STARD13: variants seen among roughly 807,000 people sequenced by gnomAD.
STARD13 encodes StAR related lipid transfer domain containing 13.
A neutral mutation model predicts 106.4 loss-of-function variants in STARD13; 62 were observed. That is an observed-to-expected ratio of 0.58 (90% CI 0.48 to 0.72). STARD13 has a LOEUF of 0.72. Ranked by LOEUF, STARD13 falls within the 30% of genes least tolerant of loss-of-function variation. The pLI, the probability that STARD13 is intolerant of heterozygous loss-of-function variation, is 0.00. For missense variants in STARD13, 1,387 were observed against 1,424.0 expected (o/e 0.97, Z 0.42); for synonymous variants, 565 against 553.0 (o/e 1.02, Z -0.31).
chr13:33,580,217 T>C, the STARD13 span, among the ~76,000 whole-genome samples: 1 of 152,116 alleles, frequency 6.6e-6, no homozygotes, highest in African/African-American at 2.4e-5. Flanking sequence ...AATGGAATAT[T>C]ATTCAGTGAT....
the STARD13 span, among the ~76,000 whole-genome samples, chr13:33,396,921 TGAG>T: frequency 6.6e-6 from 1 of 152,164 alleles, no homozygotes; most frequent in Non-Finnish European, 1.5e-5. Context: ...TAAGGGCCTG[TGAG>T]GAGGAACTCC....
At chr13:33,561,167 T>C in the STARD13 span, among the ~76,000 whole-genome samples, 1 of 151,504 alleles carries the variant, frequency 6.6e-6, no homozygotes, top group African/African-American at 2.4e-5. Context: ...TTTTTCTTTT[T>C]CATTCTGGAT....
chr13:33,674,497 A>T, the STARD13 span, among the ~76,000 whole-genome samples: 1 of 152,226 alleles, frequency 6.6e-6, no homozygotes, highest in South Asian at 2.1e-4. Flanking sequence ...AGACCAATGA[A>T]TAGGAATAGC....
chr13:33,349,881 G>C (rs539842777), intron 1 of STARD13, among the ~76,000 whole-genome samples: 1 of 152,248 alleles, frequency 6.6e-6, no homozygotes, highest in Admixed American at 6.5e-5. Context: ...GTCCCACGTG[G>C]AGAAGGCGAA....
the STARD13 span, among the ~76,000 whole-genome samples, chr13:33,601,626 C>T: frequency 0.011 from 1,717 of 152,270 alleles, 36 homozygotes; most frequent in African/African-American, 0.039. Context: ...TGAATTTCTG[C>T]GAAGTGACTT....
At position 33,129,032 on chromosome 13, in the gene STARD13, T is replaced by C; in HGVS notation, c.1645A>G (p.Ser549Gly). The C allele has an allele frequency of 6.2e-7, 1 of 1,614,104 alleles. No individual in the cohort carries two copies. The highest frequency in any genetic ancestry group is 8.5e-7 in the Non-Finnish European group (1 of 1,180,020). ...NSVSEGRTTP[S>G]DVERDVTSLN... The stretch of plus-strand genomic sequence containing the variant: ...GATGTTACATCTCTTTCCACATCAC[T>C]GGGTGTCGTCCGACCTTCTGAGACA... The change falls in exon 5 of 14, where the codon AGT becomes GGT. Residue 549 changes from serine to glycine, a missense_variant. By Grantham distance (56) the Ser-to-Gly change is moderately conservative. Coordinates refer to ENST00000336934, the MANE Select transcript of STARD13 (RefSeq NM_178006.4).
chr13:33,583,856 G>GTT, the STARD13 span, among the ~76,000 whole-genome samples: 2,770 of 150,034 alleles, frequency 0.018, 81 homozygotes, highest in African/African-American at 0.06. Flanking sequence ...GGCCTATAAT[G>GTT]TTTTTTTTTT....
intron 1 of STARD13, among the ~76,000 whole-genome samples, chr13:33,256,904 A>G (rs899278450): frequency 6.6e-6 from 1 of 152,266 alleles, no homozygotes; most frequent in Non-Finnish European, 1.5e-5. Flanking sequence ...CAGTGGAAAT[A>G]AAGAATAATT....
At chr13:33,221,562 C>T (rs186629700) in intron 1 of STARD13, among the ~76,000 whole-genome samples, 1 of 152,266 alleles carries the variant, frequency 6.6e-6, no homozygotes, top group Non-Finnish European at 1.5e-5. Context: ...GATCCCTCCT[C>T]CTGTTCCTCT....
rs552447327 is a variant in STARD13, at chr13:33,212,883, T to C, written c.170-45261A>G. Among the ~76,000 whole-genome samples, 3 of 152,354 alleles carry C rather than the reference T, an allele frequency of 2.0e-5. No homozygotes were observed. The East Asian group carries it at 5.8e-4, about 29-fold the overall frequency. On this transcript the variant is annotated intron_variant, in intron 1 of 13. Coordinates refer to ENST00000336934, the MANE Select transcript of STARD13 (RefSeq NM_178006.4). ...CCTTTCCTTATAAAATGACACATTT[T>C]CACCTTTTTGTTAGCAAGTATTGCT...
the STARD13 span, among the ~76,000 whole-genome samples, chr13:33,564,476 A>G: frequency 3.4e-5 from 5 of 146,342 alleles, no homozygotes; most frequent in South Asian, 1.1e-3. Flanking sequence ...TGAAAGGACT[A>G]TGGAGGTTTA....
At chr13:33,594,594 G>A in the STARD13 span, among the ~76,000 whole-genome samples, 1 of 152,098 alleles carries the variant, frequency 6.6e-6, no homozygotes, top group Non-Finnish European at 1.5e-5. Flanking sequence ...TAACGTTGTT[G>A]TGCAATCATC....
At chr13:33,328,602 A>T (rs1427016174) in intron 1 of STARD13, among the ~76,000 whole-genome samples, 1 of 152,226 alleles carries the variant, frequency 6.6e-6, no homozygotes, top group Non-Finnish European at 1.5e-5. Flanking sequence ...GGATGGGGTC[A>T]TGGGATACAT....
At position 33,129,955 on chromosome 13, in the gene STARD13, T is replaced by C. The variant is rs920835327; in HGVS notation, c.722A>G (p.Asn241Ser). ...CTCATTCTTGGGGTGGAAGGGGTGG[T>C]TGAGGACATCTCTGGGGGGCTGTGG... ...SLPQPPRDVL[N>S]HPFHPKNEKP... The change falls in exon 5 of 14, where the codon AAC becomes AGC. Residue 241 changes from asparagine to serine, a missense_variant. Asn to Ser is a conservative substitution (Grantham distance 46). Transcript: ENST00000336934. The C allele has an allele frequency of 3.7e-6, 6 of 1,613,332 alleles. No homozygotes were observed. In the East Asian group the frequency reaches 6.7e-5, roughly 18 times the overall value.
the STARD13 span, among the ~76,000 whole-genome samples, chr13:33,670,044 G>A: frequency 6.6e-6 from 1 of 152,114 alleles, no homozygotes; most frequent in African/African-American, 2.4e-5. Flanking sequence ...TTTTGGAGTG[G>A]GAAGTGTTGG....
At chr13:33,371,464 A>G in the STARD13 span, among the ~76,000 whole-genome samples, 1 of 152,238 alleles carries the variant, frequency 6.6e-6, no homozygotes, top group Non-Finnish European at 1.5e-5. Context: ...TTCAACATAT[A>G]ATAAAGAAAC....
At chr13:33,364,837 C>T in the STARD13 span, among the ~76,000 whole-genome samples, 1 of 151,940 alleles carries the variant, frequency 6.6e-6, no homozygotes, top group South Asian at 2.1e-4. Flanking sequence ...TGCAGTGAGC[C>T]GAGATGGCGC....
chr13:33,129,783 A>G lies in STARD13; in HGVS notation c.894T>C (p.Phe298=), dbSNP rs746641815. The part of the protein sequence containing the change: ...GPMLQQEPES[F]KAMQCIQIPN... ...GTATTTGGATGCACTGCATAGCCTT[A>G]AAGGACTCTGGCTCCTGCTGCAACA... Residue 298 remains phenylalanine (F), a synonymous_variant, in exon 5 of 14, where the codon TTT becomes TTC. Coordinates refer to ENST00000336934, the MANE Select transcript of STARD13 (RefSeq NM_178006.4). 1.4e-5 allele frequency: 22 copies of G among 1,613,822 alleles called. No homozygotes were observed. In the South Asian group the frequency reaches 1.8e-4, roughly 13 times the overall value.
At chr13:33,553,923 T>G in the STARD13 span, among the ~76,000 whole-genome samples, 1 of 152,080 alleles carries the variant, frequency 6.6e-6, no homozygotes, top group African/African-American at 2.4e-5. Context: ...TATATCAAAA[T>G]TTTAGAATTT....
Sources: allele counts gnomAD v4.1 joint callset (sites outside exome capture counted in the v4.1 genomes callset), GRCh38; gene constraint gnomAD v4.1.1; transcripts MANE v1.5; gene names NCBI Gene and HGNC (gene_info 2026-07-23, HGNC 2026-07-21).